EML5: variants seen among roughly 807,000 people sequenced by gnomAD.
EML5 encodes the protein EMAP like 5.
Under a neutral mutation model 250.0 loss-of-function variants are expected in EML5, and 120 were observed. That is an observed-to-expected ratio of 0.48 (90% CI 0.41 to 0.56). The LOEUF is 0.56. EML5 is among the 20% of genes least tolerant of loss of function. EML5 has a pLI of 0.00. For missense variants in EML5, 2,006 were observed against 2,437.6 expected, an observed-to-expected ratio of 0.82 and a Z score of 3.73; for synonymous variants, 771 against 806.5, an observed-to-expected ratio of 0.96 and a Z score of 0.75.
At chr14:88,700,994 CTT>C (rs1331732374) in intron 14 of EML5, among the ~76,000 whole-genome samples, 1 of 152,010 alleles carries the variant, frequency 6.6e-6, no homozygotes, top group Non-Finnish European at 1.5e-5. Context: ...CTGTAATACA[CTT>C]AGAATGCTTT....
intron 43 of EML5, 73 bp downstream of exon 43, chr14:88,616,069 T>C: frequency 6.7e-7 from 1 of 1,503,400 alleles, no homozygotes; most frequent in South Asian, 1.1e-5. Context: ...AAACCAAAGC[T>C]GTAGGAGTTG....
intron 36 of EML5, 69 bp from the exon 37 acceptor site, chr14:88,622,787 C>T: frequency 1.8e-6 from 2 of 1,096,184 alleles, no homozygotes; most frequent in Non-Finnish European, 1.3e-6. Context: ...TAAACAAATA[C>T]CAAGTTATAA....
chr14:88,755,384 A>C (rs1440361336), intron 1 of EML5, among the ~76,000 whole-genome samples: 2 of 152,128 alleles, frequency 1.3e-5, no homozygotes, highest in African/African-American at 4.8e-5. Flanking sequence ...CAAAATCTTA[A>C]TGTCTAAATA....
At chr14:88,749,946 C>T (rs2094066715) in intron 2 of EML5, among the ~76,000 whole-genome samples, 2 of 152,146 alleles carry the variant, frequency 1.3e-5, no homozygotes, top group South Asian at 2.1e-4. Flanking sequence ...CAGCAAAGTA[C>T]AACTCTCAAG....
chr14:88,648,872 A>T (rs534830805), intron 28 of EML5, among the ~76,000 whole-genome samples: 78 of 152,178 alleles, frequency 5.1e-4, no homozygotes, highest in Non-Finnish European at 1.0e-3. Flanking sequence ...CTCTGAACTC[A>T]TATCTTTGTA....
Position 88,712,479 on chromosome 14 carries a change from T to C in EML5, c.1449A>G (p.Gly483=). The C allele has an allele frequency of 6.2e-7, 1 of 1,608,418 alleles. No homozygotes were observed. The highest frequency in any genetic ancestry group is 8.5e-7 in the Non-Finnish European group (1 of 1,176,054). ...TTTCTTCTGTACTTGTCACTTCCTT[T>C]CCTCCTAAAAATAAATCAGAGTCTT... ...GKRLFYRMPG[G]KEVTSTEEIK... is the part of the protein sequence containing the mutation. Residue 483 remains glycine, a synonymous_variant, in exon 10 of 44, where the codon GGA becomes GGG. Transcript: ENST00000554922.
intron 4 of EML5, among the ~76,000 whole-genome samples, chr14:88,743,241 C>A (rs2093951293): frequency 6.6e-6 from 1 of 152,002 alleles, no homozygotes; most frequent in African/African-American, 2.4e-5. Flanking sequence ...TATGAATACA[C>A]AGTTTCAAAT....
intron 17 of EML5, among the ~76,000 whole-genome samples, chr14:88,691,168 G>A (rs1311248119): frequency 6.6e-6 from 1 of 152,084 alleles, no homozygotes; most frequent in African/African-American, 2.4e-5. Flanking sequence ...AGAAGGTTGG[G>A]CTCTCCAGGA....
chr14:88,729,144 G>A (rs933161703), intron 7 of EML5, among the ~76,000 whole-genome samples: 2 of 151,742 alleles, frequency 1.3e-5, no homozygotes, highest in African/African-American at 4.8e-5. Context: ...TCCAATCTGT[G>A]TGTGTGTACG....
rs985373213 is a variant in EML5 at position 88,792,578 on chromosome 14, G to A, written c.-75C>T. 7.9e-5 allele frequency: 95 copies of A among 1,201,328 alleles called. No homozygotes were observed. Among genetic ancestry groups the A allele is most frequent in the Non-Finnish European group, 9.4e-5 (91 of 965,596 alleles). The allele number at this position is 1,201,328 out of a possible 1,614,324, so 74.4% of individuals were successfully genotyped here. Reference sequence around the variant, plus strand: ...AGGCGGCGGCGGCCCGGCAACGAAAGCCCTCCCGCTGGCTGCCGGGACTTC... The same window carrying A: ...AGGCGGCGGCGGCCCGGCAACGAAAACCCTCCCGCTGGCTGCCGGGACTTC... On this transcript the variant is annotated 5_prime_UTR_variant, in exon 1 of 44. Coordinates refer to ENST00000554922, the MANE Select transcript of EML5 (RefSeq NM_183387.3). This position sits in a 1 kb window ranked among gnomAD's most constrained non-coding sequence, Gnocchi z 6.9.
Position 88,614,855 on chromosome 14 carries a change from A to C in EML5, c.*963T>G, listed in dbSNP as rs1010894475. 3 of 152,182 alleles carry C rather than the reference A, an allele frequency of 2.0e-5. No homozygotes were observed. The highest frequency in any genetic ancestry group is 2.9e-5 in the Non-Finnish European group (2 of 68,026). 9.4% of individuals were successfully genotyped at this position (152,182 alleles called of 1,614,324 possible). A position where few individuals can be genotyped will look rare whatever the true frequency, so the allele number is the denominator to read the frequency against. On this transcript the variant is annotated 3_prime_UTR_variant, in exon 44 of 44. Transcript: ENST00000554922. Reference sequence around the variant, plus strand: ...CTATGGAGTGGCACACATCTAAACAAATTTTCCCAATAGAAAAAAGGCTAT... The same window carrying C: ...CTATGGAGTGGCACACATCTAAACACATTTTCCCAATAGAAAAAAGGCTAT...
chr14:88,759,345 A>C (rs550581965), intron 1 of EML5, among the ~76,000 whole-genome samples: 1 of 152,244 alleles, frequency 6.6e-6, no homozygotes, highest in East Asian at 1.9e-4. Context: ...CAAAAAGGGC[A>C]TATATTTACT....
intron 1 of EML5, among the ~76,000 whole-genome samples, chr14:88,758,553 G>A (rs1017708948): frequency 6.6e-5 from 10 of 152,276 alleles, no homozygotes; most frequent in South Asian, 4.1e-4. Flanking sequence ...TGGAAAAAGC[G>A]TAACCCTTAA....
chr14:88,730,957 T>TTTTTTTAA (rs2093747134), intron 7 of EML5, among the ~76,000 whole-genome samples: 1 of 152,158 alleles, frequency 6.6e-6, no homozygotes, highest in South Asian at 2.1e-4. Flanking sequence ...ACTCTCTCGT[T>TTTTTTTAA]TTTTTTAACC....
intron 33 of EML5, among the ~76,000 whole-genome samples, chr14:88,629,429 G>C (rs149365587): frequency 5.5e-4 from 84 of 152,268 alleles, no homozygotes; most frequent in African/African-American, 2.0e-3. Flanking sequence ...TAATGGAATT[G>C]TCACACACTT....
intron 18 of EML5, 60 bp downstream of exon 18, chr14:88,688,211 A>C (rs1036321834): frequency 6.4e-7 from 1 of 1,560,738 alleles, no homozygotes; most frequent in South Asian, 1.1e-5. Context: ...TTTACTTCTT[A>C]AAATGCTCTA....
intron 10 of EML5, among the ~76,000 whole-genome samples, chr14:88,709,052 A>C (rs964025491): frequency 3.3e-5 from 5 of 152,114 alleles, no homozygotes; most frequent in African/African-American, 1.2e-4. Flanking sequence ...ATTTTCACAC[A>C]AGGGTAATAT....
At chr14:88,657,582 T>C in intron 26 of EML5, 80 bp from the exon 27 acceptor site, 1 of 1,330,656 alleles carries the variant, frequency 7.5e-7, no homozygotes, top group South Asian at 1.8e-5. Context: ...ACAAAGATGT[T>C]CAACAATATG....
intron 1 of EML5, among the ~76,000 whole-genome samples, chr14:88,765,719 C>T (rs1347597422): frequency 6.6e-5 from 10 of 152,170 alleles, no homozygotes; most frequent in Admixed American, 2.6e-4. Context: ...AGTCTGGCTA[C>T]CATGCAGACT....
Sources: allele counts gnomAD v4.1 joint callset (sites outside exome capture counted in the v4.1 genomes callset), GRCh38; gene constraint gnomAD v4.1.1; non-coding constraint Gnocchi (gnomAD v3.1); transcripts MANE v1.5; gene names NCBI Gene and HGNC (gene_info 2026-07-23, HGNC 2026-07-21).